HCN1: variants seen among roughly 807,000 people sequenced by gnomAD.
HCN1 encodes hyperpolarization activated cyclic nucleotide gated potassium channel 1.
In HCN1, 13 loss-of-function variants were observed where a neutral mutation model predicts 78.9. The ratio of observed to expected loss-of-function variants is 0.16; its 90% CI spans 0.11 to 0.26. The LOEUF is 0.26. Among genes scored for constraint, HCN1 ranks in the 10% least tolerant of loss-of-function variants. The probability of loss-of-function intolerance (pLI) is 1.00; values close to 1 mark genes in which losing one functional copy is unlikely to be tolerated. For missense variants in HCN1, 810 were observed against 1,154.3 expected, an observed-to-expected ratio of 0.70 and a Z score of 4.32; for synonymous variants, 552 against 455.5, an observed-to-expected ratio of 1.21 and a Z score of -2.70.
chr5:45,485,695 T>A (rs1394211033), intron 2 of HCN1, among the ~76,000 whole-genome samples: 1 of 152,142 alleles, frequency 6.6e-6, no homozygotes, highest in Non-Finnish European at 1.5e-5. Context: ...AGAGGAAAGT[T>A]GTCAAAAGAT....
chr5:45,388,828 T>C (rs2112032824), intron 4 of HCN1, among the ~76,000 whole-genome samples: 1 of 152,232 alleles, frequency 6.6e-6, no homozygotes. Flanking sequence ...TTAGTATTTG[T>C]CCTAATAGTA....
intron 1 of HCN1, among the ~76,000 whole-genome samples, chr5:45,687,855 A>G (rs1739838418): frequency 6.6e-6 from 1 of 152,138 alleles, no homozygotes; most frequent in African/African-American, 2.4e-5. Context: ...AGACTTTGAA[A>G]TGTCTCCCTT....
intron 6 of HCN1, among the ~76,000 whole-genome samples, chr5:45,299,416 G>A (rs906436255): frequency 6.6e-6 from 1 of 151,786 alleles, no homozygotes; most frequent in Non-Finnish European, 1.5e-5. Flanking sequence ...TTCATCTCTC[G>A]CTCTCTGTCT....
At chr5:45,425,258 AAC>A (rs1268682002) in intron 3 of HCN1, among the ~76,000 whole-genome samples, 1 of 152,192 alleles carries the variant, frequency 6.6e-6, no homozygotes, top group African/African-American at 2.4e-5. Flanking sequence ...TTAAGTACTT[AAC>A]ACAGTTTATA....
At chr5:45,367,099 T>C (rs537919774) in intron 4 of HCN1, among the ~76,000 whole-genome samples, 2 of 151,784 alleles carry the variant, frequency 1.3e-5, no homozygotes, top group East Asian at 3.9e-4. Context: ...TACTAAAGAG[T>C]AAGGAGATGT....
intron 1 of HCN1, among the ~76,000 whole-genome samples, chr5:45,691,728 T>C (rs1040943412): frequency 2.0e-5 from 3 of 152,200 alleles, no homozygotes; most frequent in African/African-American, 7.2e-5. Flanking sequence ...ATTGTTTTCT[T>C]GTGAGAAGCT....
At chr5:45,373,205 T>C (rs1561129208) in intron 4 of HCN1, among the ~76,000 whole-genome samples, 1 of 122,336 alleles carries the variant, frequency 8.2e-6, no homozygotes, top group East Asian at 2.2e-4. Context: ...TTATATATTT[T>C]ATATATGTTA....
chr5:45,458,951 A>G (rs750864665), intron 3 of HCN1, among the ~76,000 whole-genome samples: 1 of 152,126 alleles, frequency 6.6e-6, no homozygotes, highest in Non-Finnish European at 1.5e-5. Context: ...GTGCATAAAT[A>G]TACTTTGCTT....
chr5:45,301,525 C>A (rs1745620888), intron 6 of HCN1, among the ~76,000 whole-genome samples: 2 of 151,240 alleles, frequency 1.3e-5, no homozygotes, highest in South Asian at 2.1e-4. Flanking sequence ...TAGAGACCAG[C>A]CTGGGCAAAT....
chr5:45,626,856 T>TA (rs1321023696), intron 2 of HCN1, among the ~76,000 whole-genome samples: 5 of 151,416 alleles, frequency 3.3e-5, no homozygotes, highest in African/African-American at 1.2e-4. Flanking sequence ...AAAATAAAAA[T>TA]AAAAAAACCT....
chr5:45,262,853 GA>G (rs768548118), intron 7 of HCN1, 43 bp from the exon 8 acceptor site: 24 of 1,607,148 alleles, frequency 1.5e-5, no homozygotes, highest in Non-Finnish European at 2.0e-5. Context: ...GCCTACCAAT[GA>G]CTGATGACAA....
At chr5:45,379,745 C>A (rs1747765768) in intron 4 of HCN1, among the ~76,000 whole-genome samples, 1 of 151,936 alleles carries the variant, frequency 6.6e-6, no homozygotes, top group Non-Finnish European at 1.5e-5. Context: ...TGCTATAAAA[C>A]ACAATCTTAG....
Position 45,681,467 on chromosome 5 carries a change from C to A in HCN1, c.425+14202G>T, listed in dbSNP as rs140223949. On this transcript the variant is annotated intron_variant, in intron 1 of 7. Transcript: ENST00000303230. ...TTTACTAAGATCTATGATATATTTTCTATTTACACAAGGGCTAATTTAACA... is the reference window on the plus strand; with the variant it reads ...TTTACTAAGATCTATGATATATTTTATATTTACACAAGGGCTAATTTAACA... Among the ~76,000 whole-genome samples the A allele has an allele frequency of 1.7e-3, 260 of 152,052 alleles. 2 individuals are homozygous for A. The highest frequency in any genetic ancestry group is 6.1e-3 in the African/African-American group (253 of 41,480).
intron 2 of HCN1, among the ~76,000 whole-genome samples, chr5:45,497,308 A>C (rs1160711578): frequency 1.3e-5 from 2 of 152,144 alleles, no homozygotes; most frequent in East Asian, 3.9e-4. Flanking sequence ...GGGGTGTTAA[A>C]GTCTCCCATT....
At chr5:45,509,154 T>C (rs1333999582) in intron 2 of HCN1, among the ~76,000 whole-genome samples, 1 of 152,176 alleles carries the variant, frequency 6.6e-6, no homozygotes, top group Non-Finnish European at 1.5e-5. Flanking sequence ...ATGTCAGCAT[T>C]GTATCATTTT....
chr5:45,526,033 C>T (rs1335394381), intron 2 of HCN1, among the ~76,000 whole-genome samples: 1 of 151,898 alleles, frequency 6.6e-6, no homozygotes, highest in East Asian at 1.9e-4. Flanking sequence ...CCAAAAGAGG[C>T]CCCTCACCAG....
At chr5:45,423,444 C>A (rs1479924303) in intron 3 of HCN1, among the ~76,000 whole-genome samples, 2 of 152,164 alleles carry the variant, frequency 1.3e-5, no homozygotes, top group African/African-American at 4.8e-5. Flanking sequence ...ACAAAGCCTC[C>A]ACTGTAGTCA....
intron 4 of HCN1, among the ~76,000 whole-genome samples, chr5:45,394,004 G>T (rs145921253): frequency 3.4e-4 from 52 of 152,252 alleles, no homozygotes; most frequent in Middle Eastern, 3.4e-3. Flanking sequence ...TGAGAGAGAA[G>T]TTCCTCTGCT....
intron 1 of HCN1, among the ~76,000 whole-genome samples, chr5:45,660,564 A>C (rs1236201404): frequency 6.6e-6 from 1 of 152,040 alleles, no homozygotes; most frequent in Non-Finnish European, 1.5e-5. Context: ...AACCCATCTC[A>C]TGTGCAGAGA....
Sources: gnomAD v4.1 joint callset for allele counts (sites outside exome capture counted in the v4.1 genomes callset) on GRCh38, gnomAD v4.1.1 for gene constraint, MANE v1.5 for transcripts, NCBI Gene and HGNC (gene_info 2026-07-23, HGNC 2026-07-21) for gene names.